The following MEF2A variants were observed in gnomAD, a reference collection of about 807,000 sequenced individuals.
MEF2A encodes myocyte-specific enhancer factor 2A.
MEF2A carries 28 observed loss-of-function variants against 55.8 expected under a neutral mutation model. The ratio of observed to expected loss-of-function variants is 0.50; its 90% CI spans 0.37 to 0.69. The LOEUF (loss-of-function observed/expected upper bound fraction) is 0.69. Ranked by LOEUF, MEF2A falls within the 30% of genes least tolerant of loss-of-function variation. The pLI, the probability that MEF2A is intolerant of heterozygous loss-of-function variation, is 0.00. For missense variants in MEF2A, 528 were observed against 626.2 expected (o/e 0.84, Z 1.67); for synonymous variants, 239 against 227.1 (o/e 1.05, Z -0.47).
At chr15:99,648,328 G>T (rs376309701) in intron 4 of MEF2A, among the ~76,000 whole-genome samples, 1 of 151,970 alleles carries the variant, frequency 6.6e-6, no homozygotes, top group East Asian at 1.9e-4. Flanking sequence ...CCTAATTCAG[G>T]CCAGAAGAAT....
At chr15:99,628,963 ATTTTTTT>A (rs71149483) in intron 2 of MEF2A, among the ~76,000 whole-genome samples, 127 of 133,770 alleles carry the variant, frequency 9.5e-4, no homozygotes, top group African/African-American at 3.3e-3. Flanking sequence ...TTTCAGAAGG[ATTTTTTT>A]TTTTTTTTTT....
In MEF2A at chr15:99,714,807, CCCCA is replaced by C. The variant is rs1439303748; in HGVS notation, c.*2040_*2043del. ...TTCTATGTACATTTTGTTCCCCCCC[CCCCA>C]CCCCCCCCCCAAATTACGTTCCTTT... On this transcript the variant is annotated 3_prime_UTR_variant, in exon 12 of 12. Transcript: ENST00000557942. 1 of 4,928 alleles carries C rather than the reference CCCCA, an allele frequency of 2.0e-4. No homozygotes were observed. The highest frequency in any genetic ancestry group is 0.012 in the South Asian group (1 of 84). The allele number at this position is 4,928 out of a possible 1,614,324, so 0.3% of individuals were successfully genotyped here. A position where few individuals can be genotyped will look rare whatever the true frequency, so the allele number is the denominator to read the frequency against.
intron 2 of MEF2A, among the ~76,000 whole-genome samples, chr15:99,606,259 A>G (rs777960280): frequency 6.6e-6 from 1 of 152,178 alleles, no homozygotes; most frequent in African/African-American, 2.4e-5. Context: ...AATGATTCGT[A>G]TATTTCAACA....
rs184455382 is a variant in MEF2A at position 99,683,070 on chromosome 15, G to A, written c.671-7171G>A. On this transcript the variant is annotated intron_variant, in intron 7 of 11. Transcript: ENST00000557942. Reference sequence around the variant, plus strand: ...TAATTCTTCAACTGTCTGGCTTAGCGGTTACCTCTGTCCAAGTCATATATG... The same window carrying A: ...TAATTCTTCAACTGTCTGGCTTAGCAGTTACCTCTGTCCAAGTCATATATG... 1.6e-4 allele frequency among the ~76,000 whole-genome samples: 24 copies of A among 152,218 alleles called. No homozygotes were observed. The South Asian group carries it at 2.5e-3, about 16-fold the overall frequency.
intron 9 of MEF2A, among the ~76,000 whole-genome samples, chr15:99,706,294 T>C (rs1425256376): frequency 6.6e-6 from 1 of 152,218 alleles, no homozygotes; most frequent in Non-Finnish European, 1.5e-5. Context: ...ACGTAAATAA[T>C]ACCGCAAAGA....
chr15:99,638,317 G>A (rs1303675407), intron 3 of MEF2A, among the ~76,000 whole-genome samples: 1 of 151,722 alleles, frequency 6.6e-6, no homozygotes. Context: ...AAAGCCTTTT[G>A]CTTTTCCTTT....
At chr15:99,677,347 TA>T (rs1473048268) in intron 7 of MEF2A, among the ~76,000 whole-genome samples, 2 of 151,972 alleles carry the variant, frequency 1.3e-5, no homozygotes, top group African/African-American at 4.8e-5. Context: ...CAAGGGTATT[TA>T]AAAAACAAAA....
intron 9 of MEF2A, among the ~76,000 whole-genome samples, chr15:99,705,369 G>A (rs1266176153): frequency 6.6e-6 from 1 of 152,202 alleles, no homozygotes; most frequent in Non-Finnish European, 1.5e-5. Context: ...TTATATTTGT[G>A]TAGTACTTCA....
intron 2 of MEF2A, among the ~76,000 whole-genome samples, chr15:99,609,704 A>G (rs1449778809): frequency 1.3e-5 from 2 of 152,190 alleles, no homozygotes; most frequent in Non-Finnish European, 2.9e-5. Context: ...TTTAGTGGGA[A>G]CAAAGAAAAA....
chr15:99,613,441 T>G (rs1186288524), intron 2 of MEF2A, among the ~76,000 whole-genome samples: 7 of 152,184 alleles, frequency 4.6e-5, no homozygotes, highest in Non-Finnish European at 1.0e-4. Flanking sequence ...AATACACACT[T>G]TAACAGTCCC....
chr15:99,670,882 G>A (rs944886313), intron 4 of MEF2A, among the ~76,000 whole-genome samples: 2 of 152,204 alleles, frequency 1.3e-5, no homozygotes, highest in Admixed American at 1.3e-4. Context: ...TAAAAACTCC[G>A]ATAGGCAGAA....
At chr15:99,650,774 G>A (rs1209942607) in intron 4 of MEF2A, among the ~76,000 whole-genome samples, 1 of 152,130 alleles carries the variant, frequency 6.6e-6, no homozygotes, top group African/African-American at 2.4e-5. Context: ...AAAATCACTG[G>A]TCCTCACAAT....
chr15:99,616,394 ACT>A (rs1037299457), intron 2 of MEF2A, among the ~76,000 whole-genome samples: 1 of 152,094 alleles, frequency 6.6e-6, no homozygotes, highest in Admixed American at 6.5e-5. Flanking sequence ...TGCTGTAATC[ACT>A]CTGTCCTTTA....
chr15:99,713,437 G>A lies in MEF2A; in HGVS notation c.*666G>A, dbSNP rs2058862028. 1 of 157,676 alleles carries A rather than the reference G, an allele frequency of 6.3e-6. No homozygotes were observed. 9.8% of individuals were successfully genotyped at this position (157,676 alleles called of 1,614,324 possible). On this transcript the variant is annotated 3_prime_UTR_variant, in exon 12 of 12. Transcript: ENST00000557942. ...AAGAAAGAGAATAGAAAACACGCATGAGATATTCAGAAAATACTAGCCTAG... is the reference window on the plus strand; with the variant it reads ...AAGAAAGAGAATAGAAAACACGCATAAGATATTCAGAAAATACTAGCCTAG...
intron 4 of MEF2A, among the ~76,000 whole-genome samples, chr15:99,658,822 A>G (rs78378522): frequency 0.031 from 4,770 of 152,272 alleles, 90 homozygotes; most frequent in Middle Eastern, 0.11. Flanking sequence ...CAGGGAAAGC[A>G]TAACACCTGT....
intron 4 of MEF2A, among the ~76,000 whole-genome samples, chr15:99,663,499 A>C (rs1292386366): frequency 6.6e-6 from 1 of 151,892 alleles, no homozygotes; most frequent in African/African-American, 2.4e-5. Flanking sequence ...AATTTTAGAC[A>C]AGCTTATTTT....
At chr15:99,582,174 T>C (rs1966137682) in intron 1 of MEF2A, among the ~76,000 whole-genome samples, 1 of 151,202 alleles carries the variant, frequency 6.6e-6, no homozygotes. Context: ...ATATGTCCTT[T>C]CTTATTATTA....
chr15:99,645,328 G>A lies in MEF2A; in HGVS notation c.55-233G>A, dbSNP rs1249586184. ...CCCTCTGTAGTGGAGTGGCAGCCAA[G>A]GATAAGGAAATACTTCCCCAGGAGA... On this transcript the variant is annotated intron_variant, in intron 3 of 11. Coordinates refer to ENST00000557942, the MANE Select transcript of MEF2A (RefSeq NM_001319206.4). Among the ~76,000 whole-genome samples the A allele has an allele frequency of 2.0e-5, 3 of 152,206 alleles. No individual in the cohort carries two copies. The East Asian group carries it at 5.8e-4, about 29-fold the overall frequency.
rs1209229419 is a variant in MEF2A at position 99,605,089 on chromosome 15, T to G, written c.-143+6578T>G. On this transcript the variant is annotated intron_variant, in intron 2 of 11. Transcript: ENST00000557942. Reference sequence around the variant, plus strand: ...TCCTCCCAAGCAGCTGGGACTACAGTCACGCATCACCACACCCAGCTATTT... The same window carrying G: ...TCCTCCCAAGCAGCTGGGACTACAGGCACGCATCACCACACCCAGCTATTT... Among the ~76,000 whole-genome samples, 4 of 152,122 alleles carry G rather than the reference T, an allele frequency of 2.6e-5. No homozygotes were observed. In the South Asian group the frequency reaches 6.2e-4, roughly 24 times the overall value.
Sources: gnomAD v4.1 joint callset for allele counts (sites outside exome capture counted in the v4.1 genomes callset) on GRCh38, gnomAD v4.1.1 for gene constraint, MANE v1.5 for transcripts, NCBI Gene and HGNC (gene_info 2026-07-23, HGNC 2026-07-21) for gene names.